IFT74: variants seen among roughly 807,000 people sequenced by gnomAD.
IFT74 encodes intraflagellar transport protein 74 homolog.
IFT74 carries 92 observed loss-of-function variants against 96.7 expected under a neutral mutation model. The ratio of observed to expected loss-of-function variants is 0.95; its 90% CI spans 0.80 to 1.13. IFT74 has a LOEUF of 1.13. Among genes scored for constraint, IFT74 ranks in the 50% most tolerant of loss-of-function variants. The pLI, the probability that IFT74 is intolerant of heterozygous loss-of-function variation, is 0.00. For synonymous variants in IFT74, 223 were observed against 213.2 expected, an observed-to-expected ratio of 1.05 and a Z score of -0.40; for missense variants, 811 against 698.2, an observed-to-expected ratio of 1.16 and a Z score of -1.82.
At position 26,978,256 on chromosome 9, in the gene IFT74, G is replaced by A; in HGVS notation, c.249G>A (p.Gly83=). The change falls in exon 3 of 20, where the codon GGG becomes GGA. Residue 83 remains glycine, a synonymous_variant. Coordinates refer to ENST00000380062, the MANE Select transcript of IFT74 (RefSeq NM_025103.4). ...AAGGTTTGACTGGAATGAAAACTGG[G>A]ACGAAAGGTACCTATTTTAAGATAA... ...TQQGLTGMKT[G]TKGPQRQILD... is the part of the protein sequence containing the mutation. 6.2e-7 allele frequency: 1 copy of A among 1,612,940 alleles called. No homozygotes were observed. The highest frequency in any genetic ancestry group is 8.5e-7 in the Non-Finnish European group (1 of 1,179,748).
chr9:27,039,778 A>C (rs1819382852), intron 13 of IFT74, among the ~76,000 whole-genome samples: 1 of 152,176 alleles, frequency 6.6e-6, no homozygotes, highest in Non-Finnish European at 1.5e-5. Flanking sequence ...TTTATGTAAA[A>C]GACTTGAACA....
chr9:27,016,102 A>G (rs920745693), intron 10 of IFT74, among the ~76,000 whole-genome samples: 1 of 152,108 alleles, frequency 6.6e-6, no homozygotes, highest in Admixed American at 6.6e-5. Flanking sequence ...AAAGAAACAC[A>G]AATTTTCTCA....
At chr9:27,052,079 G>A (rs946665025) in intron 16 of IFT74, among the ~76,000 whole-genome samples, 9 of 152,020 alleles carry the variant, frequency 5.9e-5, no homozygotes, top group African/African-American at 2.2e-4. Flanking sequence ...CCCCCTTTAA[G>A]CTATCTTTCT....
At chr9:26,984,379 C>T in intron 5 of IFT74, 24 bp downstream of exon 5, 1 of 1,577,982 alleles carries the variant, frequency 6.3e-7, no homozygotes, top group Non-Finnish European at 8.6e-7. Flanking sequence ...ATTCAGTATT[C>T]ATTCAGTATT....
chr9:26,958,414 A>C (rs1826213389), intron 1 of IFT74, among the ~76,000 whole-genome samples: 1 of 152,222 alleles, frequency 6.6e-6, no homozygotes, highest in Non-Finnish European at 1.5e-5. Flanking sequence ...CAAGGGGACC[A>C]CTTAAGAGGC....
intron 8 of IFT74, among the ~76,000 whole-genome samples, chr9:27,000,739 A>C (rs1828436916): frequency 6.6e-6 from 1 of 152,208 alleles, no homozygotes; most frequent in Non-Finnish European, 1.5e-5. Context: ...CTTAATACCT[A>C]GGTGACGGGT....
At position 27,011,927 on chromosome 9, in the gene IFT74, C is replaced by G. The variant is rs374060021; in HGVS notation, c.748C>G (p.Gln250Glu). Residue 250 changes from glutamine (Q) to glutamate (E), a missense_variant, in exon 10 of 20, where the codon CAA becomes GAA. Transcript: ENST00000380062. ...LLQELDTLQQ[Q>E]LDSQNMKKES... is the part of the protein sequence containing the mutation. ...TTAGGAATTAGATACACTTCAACAACAATTGGATTCACAGAACATGAAAAA... is the reference window on the plus strand; with the variant it reads ...TTAGGAATTAGATACACTTCAACAAGAATTGGATTCACAGAACATGAAAAA... The G allele has an allele frequency of 9.5e-6, 15 of 1,578,952 alleles. No homozygotes were observed. In the African/African-American group the frequency reaches 2.1e-4, roughly 22 times the overall value.
intron 18 of IFT74, 50 bp from the exon 19 acceptor site, chr9:27,060,541 A>T: frequency 8.0e-7 from 1 of 1,243,206 alleles, no homozygotes; most frequent in Non-Finnish European, 1.1e-6. Context: ...AAAGGCATTT[A>T]ATTGTTTTAA....
chr9:26,998,209 A>G, intron 8 of IFT74: 4 of 1,510,274 alleles, frequency 2.6e-6, no homozygotes, highest in East Asian at 2.3e-5. Flanking sequence ...GAATCAAGGT[A>G]TAATTTTTTT....
chr9:27,002,423 G>A (rs1828548584), intron 8 of IFT74, among the ~76,000 whole-genome samples: 1 of 152,212 alleles, frequency 6.6e-6, no homozygotes, highest in African/African-American at 2.4e-5. Flanking sequence ...CAGTTTTATA[G>A]TTTGAGGTCT....
chr9:26,966,559 A>G (rs1826628177), intron 2 of IFT74, among the ~76,000 whole-genome samples: 1 of 151,902 alleles, frequency 6.6e-6, no homozygotes, highest in Admixed American at 6.6e-5. Context: ...GGAGCACCTT[A>G]TATATTCTGT....
upstream of IFT74, among the ~76,000 whole-genome samples, chr9:26,954,842 A>G (rs1826029742): frequency 1.3e-5 from 2 of 151,822 alleles, no homozygotes; most frequent in African/African-American, 2.4e-5. Flanking sequence ...CCTAATTCCA[A>G]TTTGATATAA....
intron 1 of IFT74, among the ~76,000 whole-genome samples, chr9:26,948,809 A>T (rs140314367): frequency 6.6e-6 from 1 of 151,466 alleles, no homozygotes; most frequent in Non-Finnish European, 1.5e-5. Context: ...CTTTCACACA[A>T]TCTCCCTAAT....
chr9:26,990,536 A>C (rs902786440), intron 8 of IFT74, among the ~76,000 whole-genome samples: 3 of 152,158 alleles, frequency 2.0e-5, no homozygotes, highest in Non-Finnish European at 4.4e-5. Flanking sequence ...TTCATCCCCA[A>C]TCTAGTGAAA....
At chr9:27,026,365 C>A (rs1829858680) in intron 12 of IFT74, among the ~76,000 whole-genome samples, 1 of 152,098 alleles carries the variant, frequency 6.6e-6, no homozygotes, top group Non-Finnish European at 1.5e-5. Flanking sequence ...ATGAGATAGA[C>A]AGCAATACAA....
intron 8 of IFT74, chr9:26,997,689 T>C (rs201778807): frequency 6.5e-7 from 1 of 1,544,054 alleles, no homozygotes; most frequent in East Asian, 2.2e-5. Flanking sequence ...GAACATTGAG[T>C]TAATCACATT....
upstream of IFT74, among the ~76,000 whole-genome samples, chr9:26,952,280 C>CTTT (rs201440207): frequency 1.4e-5 from 2 of 141,648 alleles, no homozygotes; most frequent in Non-Finnish European, 3.1e-5. Flanking sequence ...TTTTTTTAAC[C>CTTT]TTTTTTTTTT....
At chr9:26,947,257 A>G (rs942990883) in intron 1 of IFT74, 2 of 556,754 alleles carry the variant, frequency 3.6e-6, no homozygotes, top group African/African-American at 2.0e-5. Context: ...GGCACTCCGG[A>G]ATTCATCATC....
Position 27,050,673 on chromosome 9 carries a change from G to A in IFT74, c.1333+2399G>A, listed in dbSNP as rs377689922. 1.6e-4 allele frequency among the ~76,000 whole-genome samples: 24 copies of A among 145,498 alleles called. 1 individual carries two copies. Among genetic ancestry groups the A allele is most frequent in the African/African-American group, 5.8e-4 (23 of 39,364 alleles). On this transcript the variant is annotated intron_variant, in intron 16 of 19. Coordinates refer to ENST00000380062, the MANE Select transcript of IFT74 (RefSeq NM_025103.4). ...AAGAATGTTGAAAGATTTTTGGGTG[G>A]GAATTGAACAATGAGAACACTTGGA...
Sources: allele counts gnomAD v4.1 joint callset (sites outside exome capture counted in the v4.1 genomes callset), GRCh38; gene constraint gnomAD v4.1.1; transcripts MANE v1.5; gene names NCBI Gene and HGNC (gene_info 2026-07-23, HGNC 2026-07-21).